Variants in GABRG3 observed in about 807,000 individuals in gnomAD.
GABRG3 encodes gamma-aminobutyric acid receptor subunit gamma-3.
Under a neutral mutation model 48.8 loss-of-function variants are expected in GABRG3, and 25 were observed. That is an observed-to-expected ratio of 0.51 (90% confidence interval 0.37 to 0.72). The LOEUF is 0.72. GABRG3 is among the 30% of genes least tolerant of loss of function. The pLI, the probability that GABRG3 is intolerant of heterozygous loss-of-function variation, is 0.00. For synonymous variants in GABRG3, 227 were observed against 217.6 expected, an observed-to-expected ratio of 1.04 and a Z score of -0.38; for missense variants, 394 against 577.9, an observed-to-expected ratio of 0.68 and a Z score of 3.26.
intron 3 of GABRG3, among the ~76,000 whole-genome samples, chr15:27,130,725 G>A (rs1386306484): frequency 1.3e-5 from 2 of 151,884 alleles, no homozygotes; most frequent in Admixed American, 6.6e-5. Context: ...CAGCATACAC[G>A]TCTGTTGTCC....
At chr15:27,199,832 A>G (rs1192212282) in intron 3 of GABRG3, among the ~76,000 whole-genome samples, 1 of 151,870 alleles carries the variant, frequency 6.6e-6, no homozygotes, top group Non-Finnish European at 1.5e-5. Context: ...TACCCTTTAA[A>G]TTTTTGTGGC....
In GABRG3 at chr15:27,286,093, C is replaced by T. The variant is rs144246454; in HGVS notation, c.271-40716C>T. On this transcript the variant is annotated intron_variant, in intron 3 of 9. Coordinates refer to ENST00000615808, the MANE Select transcript of GABRG3 (RefSeq NM_033223.5). ...GAAATTAATCTTATACTTTATACAC[C>T]AGGCAAAAGTGCAAATGAAATGAGC... Among the ~76,000 whole-genome samples, 1,214 of 152,240 alleles carry T rather than the reference C, an allele frequency of 8.0e-3. 23 individuals carry two copies. Among genetic ancestry groups the T allele is most frequent in the African/African-American group, 0.027 (1,127 of 41,544 alleles).
intron 3 of GABRG3, among the ~76,000 whole-genome samples, chr15:27,308,484 G>A (rs147701265): frequency 0.021 from 3,075 of 145,320 alleles, 146 homozygotes; most frequent in African/African-American, 0.074. Flanking sequence ...AACATATAAT[G>A]TAAACATACA....
chr15:27,497,795 T>TA lies in GABRG3; in HGVS notation c.712+17009dup, dbSNP rs1166082476. Among the ~76,000 whole-genome samples the TA allele has an allele frequency of 3.9e-5, 6 of 152,320 alleles. No homozygotes were observed. The East Asian group carries it at 1.2e-3, about 29-fold the overall frequency. On this transcript the variant is annotated intron_variant, in intron 6 of 9. Coordinates refer to ENST00000615808, the MANE Select transcript of GABRG3 (RefSeq NM_033223.5). ...CTTTCTGGCTTTCATATTTTTGTCT[T>TA]ACTTCTAATGGCTTTAATTCCATTT... is the stretch of plus-strand genomic sequence containing the variant.
At chr15:27,252,541 G>A (rs762066511) in intron 3 of GABRG3, among the ~76,000 whole-genome samples, 4 of 152,192 alleles carry the variant, frequency 2.6e-5, no homozygotes, top group South Asian at 2.1e-4. Context: ...TACTAGCGCC[G>A]TCTGTTAAAC....
chr15:27,315,900 AAAT>A (rs1437525213), intron 3 of GABRG3, among the ~76,000 whole-genome samples: 1 of 152,124 alleles, frequency 6.6e-6, no homozygotes, highest in Non-Finnish European at 1.5e-5. Context: ...ATATCTTTGA[AAAT>A]ATCCATCTCT....
chr15:27,362,572 T>C (rs1443793620), intron 5 of GABRG3: 4 of 152,228 alleles, frequency 2.6e-5, no homozygotes, highest in African/African-American at 9.6e-5. Context: ...TGATGTAGCA[T>C]TTTGGCTTTG....
At chr15:27,291,804 C>T (rs79951600) in intron 3 of GABRG3, among the ~76,000 whole-genome samples, 7 of 152,184 alleles carry the variant, frequency 4.6e-5, no homozygotes, top group African/African-American at 1.7e-4. Context: ...GTTGGATCAG[C>T]TCTCCAATAG....
intron 5 of GABRG3, among the ~76,000 whole-genome samples, chr15:27,417,767 AG>A (rs1887985550): frequency 6.6e-6 from 1 of 152,216 alleles, no homozygotes. Context: ...AGGACTGGGC[AG>A]GGGTTCCCTT....
At chr15:27,062,178 G>A (rs1023660484) in intron 3 of GABRG3, among the ~76,000 whole-genome samples, 1 of 152,064 alleles carries the variant, frequency 6.6e-6, no homozygotes, top group Non-Finnish European at 1.5e-5. Context: ...CTGTGCAAAC[G>A]GGGACTCCCC....
chr15:27,086,714 A>G (rs1244531813), intron 3 of GABRG3, among the ~76,000 whole-genome samples: 3 of 152,216 alleles, frequency 2.0e-5, no homozygotes, highest in Non-Finnish European at 2.9e-5. Context: ...AAAAACATTC[A>G]GGTTTGCCTG....
intron 5 of GABRG3, among the ~76,000 whole-genome samples, chr15:27,347,268 G>T (rs1894405813): frequency 6.6e-6 from 1 of 152,168 alleles, no homozygotes; most frequent in Non-Finnish European, 1.5e-5. Context: ...GAGCCCTGTG[G>T]CTGTGATGGT....
intron 3 of GABRG3, among the ~76,000 whole-genome samples, chr15:27,218,442 A>C (rs1330829231): frequency 1.3e-5 from 2 of 152,136 alleles, no homozygotes; most frequent in African/African-American, 4.8e-5. Flanking sequence ...ATTCTCAATG[A>C]CCTTTTGCTC....
At chr15:27,276,841 G>A (rs948773987) in intron 3 of GABRG3, among the ~76,000 whole-genome samples, 7 of 152,298 alleles carry the variant, frequency 4.6e-5, no homozygotes, top group African/African-American at 7.2e-5. Flanking sequence ...ATTTTATGTA[G>A]CTTGTGTAGC....
chr15:27,255,044 G>A (rs1890569675), intron 3 of GABRG3, among the ~76,000 whole-genome samples: 1 of 152,174 alleles, frequency 6.6e-6, no homozygotes, highest in Admixed American at 6.5e-5. Flanking sequence ...GGCCTTTGCA[G>A]TTTGTCCAGG....
chr15:27,390,724 T>C (rs1283184322), intron 5 of GABRG3, among the ~76,000 whole-genome samples: 1 of 152,176 alleles, frequency 6.6e-6, no homozygotes. Flanking sequence ...AAATTCTATA[T>C]CAGGGCTTTA....
intron 3 of GABRG3, among the ~76,000 whole-genome samples, chr15:27,262,362 C>G (rs916614113): frequency 6.6e-6 from 1 of 152,196 alleles, no homozygotes. Flanking sequence ...ATGTCCAAAG[C>G]AAGAATGCAA....
chr15:27,048,701 G>A (rs1896406510), intron 3 of GABRG3, among the ~76,000 whole-genome samples: 1 of 152,184 alleles, frequency 6.6e-6, no homozygotes, highest in African/African-American at 2.4e-5. Context: ...CTTCAATGAC[G>A]ATTTGAAATT....
intron 3 of GABRG3, among the ~76,000 whole-genome samples, chr15:27,207,477 C>G (rs554807995): frequency 6.6e-6 from 1 of 152,138 alleles, no homozygotes; most frequent in Non-Finnish European, 1.5e-5. Context: ...AAATTTGTTG[C>G]CCACCTAAGG....
Sources: gnomAD v4.1 joint callset for allele counts (sites outside exome capture counted in the v4.1 genomes callset) on GRCh38, gnomAD v4.1.1 for gene constraint, MANE v1.5 for transcripts, NCBI Gene and HGNC (gene_info 2026-07-23, HGNC 2026-07-21) for gene names.